GLG1: variants seen among roughly 807,000 people sequenced by gnomAD.
GLG1 encodes the protein golgi glycoprotein 1, also known as Golgi apparatus protein 1.
In GLG1, 38 loss-of-function variants were observed where a neutral mutation model predicts 160.5. The observed-to-expected ratio is 0.24, with a 90% CI of 0.18 to 0.31. The LOEUF (loss-of-function observed/expected upper bound fraction) is 0.31. Among genes scored for constraint, GLG1 ranks in the 10% least tolerant of loss-of-function variants. The probability of loss-of-function intolerance (pLI) is 1.00; values close to 1 mark genes in which losing one functional copy is unlikely to be tolerated. For synonymous variants in GLG1, 644 were observed against 543.4 expected, an observed-to-expected ratio of 1.19 and a Z score of -2.57; for missense variants, 1,373 against 1,505.2, an observed-to-expected ratio of 0.91 and a Z score of 1.45.
At chr16:74,583,347 A>G (rs746473740) in intron 1 of GLG1, among the ~76,000 whole-genome samples, 10 of 152,094 alleles carry the variant, frequency 6.6e-5, no homozygotes, top group African/African-American at 1.7e-4. Flanking sequence ...CACAAATTAC[A>G]TATTTTTGGA....
At chr16:74,576,442 C>T (rs978719346) in intron 1 of GLG1, among the ~76,000 whole-genome samples, 7 of 152,140 alleles carry the variant, frequency 4.6e-5, no homozygotes, top group African/African-American at 9.7e-5. Flanking sequence ...GTCTAAGACA[C>T]GTGTCAGCAA....
chr16:74,465,503 C>T (rs1597228067), intron 19 of GLG1, among the ~76,000 whole-genome samples, 173 bp downstream of exon 19: 1 of 152,296 alleles, frequency 6.6e-6, no homozygotes, highest in South Asian at 2.1e-4. Flanking sequence ...GTTTCTGATT[C>T]AGCAGATCTG....
At chr16:74,555,913 C>T (rs2018339671) in intron 1 of GLG1, among the ~76,000 whole-genome samples, 4 of 150,640 alleles carry the variant, frequency 2.7e-5, no homozygotes, top group South Asian at 2.1e-4. Context: ...GATCATGGCT[C>T]GCTGCAGCCT....
chr16:74,505,966 G>A (rs1478072499), intron 3 of GLG1, among the ~76,000 whole-genome samples: 2 of 150,480 alleles, frequency 1.3e-5, no homozygotes, highest in East Asian at 2.0e-4. Flanking sequence ...GGAGGTGGAG[G>A]TTGCAGTGAG....
Position 74,592,902 on chromosome 16 carries a change from G to C in GLG1, c.438+13755C>G, listed in dbSNP as rs1029496577. On this transcript the variant is annotated intron_variant, in intron 1 of 25. Transcript: ENST00000422840. ...CCCCAATACAAGTGTTGAGAGATGG[G>C]ACCTTTAAGAGCTCACTAGGTCATG... 4.6e-5 allele frequency among the ~76,000 whole-genome samples: 7 copies of C among 152,262 alleles called. No individual in the cohort carries two copies. The South Asian group carries it at 1.4e-3, about 32-fold the overall frequency.
chr16:74,453,367 G>A, intron 25 of GLG1, 33 bp from the exon 26 acceptor site: 1 of 1,452,880 alleles, frequency 6.9e-7, no homozygotes, highest in Non-Finnish European at 9.7e-7. Context: ...GATTCTCTGA[G>A]AGAGCACTGG....
At chr16:74,503,438 C>A (rs1597277900) in intron 4 of GLG1, 93 bp downstream of exon 4, 1 of 825,104 alleles carries the variant, frequency 1.2e-6, no homozygotes, top group East Asian at 2.4e-5. Context: ...TAAGGTCACT[C>A]CAGTCCTAAA....
chr16:74,540,229 ATATT>A (rs1324630158), intron 1 of GLG1, among the ~76,000 whole-genome samples: 1 of 137,580 alleles, frequency 7.3e-6, no homozygotes, highest in African/African-American at 2.7e-5. Context: ...TTGGATTATA[ATATT>A]TATTAATCCA....
At chr16:74,509,437 G>T (rs2016728493) in intron 2 of GLG1, among the ~76,000 whole-genome samples, 1 of 151,988 alleles carries the variant, frequency 6.6e-6, no homozygotes, top group Admixed American at 6.6e-5. Flanking sequence ...CAGAAGCTCA[G>T]ATTTGGTGGA....
intron 4 of GLG1, among the ~76,000 whole-genome samples, chr16:74,503,272 C>T (rs544598028): frequency 6.6e-6 from 1 of 152,208 alleles, no homozygotes; most frequent in African/African-American, 2.4e-5. Flanking sequence ...TAACCAGCAG[C>T]TGGTCTAATA....
chr16:74,459,439 C>T (rs564345732), intron 23 of GLG1, among the ~76,000 whole-genome samples: 5 of 152,248 alleles, frequency 3.3e-5, no homozygotes, highest in African/African-American at 1.2e-4. Context: ...CGCCACTGCG[C>T]TCCAGCCTGG....
Position 74,561,215 on chromosome 16 carries a change from G to A in GLG1, c.439-29062C>T, listed in dbSNP as rs139190700. ...TGCCTGTGAGTAGCCTCAGAAGGCT[G>A]AGGTCCCTGCCCCCAATATTGGCAC... On this transcript the variant is annotated intron_variant, in intron 1 of 25. Transcript: ENST00000422840. Among the ~76,000 whole-genome samples, 23 of 152,336 alleles carry A rather than the reference G, an allele frequency of 1.5e-4. No homozygotes were observed. The East Asian group carries it at 4.1e-3, about 27-fold the overall frequency.
chr16:74,560,313 C>G (rs2018473864), intron 1 of GLG1, among the ~76,000 whole-genome samples: 1 of 149,180 alleles, frequency 6.7e-6, no homozygotes, highest in Non-Finnish European at 1.5e-5. Context: ...TGAATTGGGA[C>G]CTCAGTTTTT....
rs540864412 is a variant in GLG1, at chr16:74,494,827, T to G, written c.983A>C (p.Gln328Pro). ...CTTATACACTCTGCCCTCACCAGCT[T>G]GTGTCTATAAGATGGAACATACACA... is the stretch of plus-strand genomic sequence containing the variant. ...DDRERFCENT[Q>P]AGEGRVYKCL... Residue 328 changes from glutamine to proline, a missense_variant, in exon 6 of 26, where the codon CAA becomes CCA. Coordinates refer to ENST00000422840, the MANE Select transcript of GLG1 (RefSeq NM_001145667.2). The G allele has an allele frequency of 1.4e-6, 2 of 1,457,528 alleles. No individual in the cohort carries two copies. Among genetic ancestry groups the G allele is most frequent in the Non-Finnish European group, 1.9e-6 (2 of 1,037,580 alleles). The allele number at this position is 1,457,528 out of a possible 1,614,324, so 90.3% of individuals were successfully genotyped here.
At chr16:74,572,899 T>C (rs2018876232) in intron 1 of GLG1, among the ~76,000 whole-genome samples, 1 of 152,182 alleles carries the variant, frequency 6.6e-6, no homozygotes, top group Non-Finnish European at 1.5e-5. Flanking sequence ...GGCTGTCTTA[T>C]GGGAATGAGC....
chr16:74,560,575 G>C (rs1454892624), intron 1 of GLG1, among the ~76,000 whole-genome samples: 2 of 152,152 alleles, frequency 1.3e-5, no homozygotes, highest in African/African-American at 4.8e-5. Context: ...ACTGACCTCA[G>C]GTGATCTGCC....
chr16:74,458,072 T>C, intron 23 of GLG1, 78 bp from the exon 24 acceptor site: 1 of 1,407,956 alleles, frequency 7.1e-7, no homozygotes, highest in East Asian at 2.3e-5. Flanking sequence ...ATACTTCATA[T>C]ACTAATAAAA....
At chr16:74,496,154 G>C in intron 5 of GLG1, among the ~76,000 whole-genome samples, 1 of 152,052 alleles carries the variant, frequency 6.6e-6, no homozygotes. Context: ...TATGGTTTTA[G>C]CTACTTGGGA....
chr16:74,461,123 A>G (rs1283844489), intron 22 of GLG1, among the ~76,000 whole-genome samples: 2 of 152,032 alleles, frequency 1.3e-5, no homozygotes, highest in Admixed American at 1.3e-4. Flanking sequence ...AAGAAGTCCA[A>G]TAATCTCCAA....
Sources: gnomAD v4.1 joint callset for allele counts (sites outside exome capture counted in the v4.1 genomes callset) on GRCh38, gnomAD v4.1.1 for gene constraint, MANE v1.5 for transcripts, NCBI Gene and HGNC (gene_info 2026-07-23, HGNC 2026-07-21) for gene names.